The following UBE2G1 variants were observed in gnomAD, a reference collection of about 807,000 sequenced individuals.
UBE2G1 encodes the protein ubiquitin conjugating enzyme E2 G1, also known as ubiquitin-conjugating enzyme E2 G1.
In UBE2G1, 5 loss-of-function variants were observed where a neutral mutation model predicts 22.7. That is an observed-to-expected ratio of 0.22 (90% CI 0.12 to 0.46). UBE2G1 has a LOEUF of 0.46. UBE2G1 is among the 20% of genes least tolerant of loss of function. The probability of loss-of-function intolerance (pLI) is 0.99; values close to 1 mark genes in which losing one functional copy is unlikely to be tolerated. For synonymous variants in UBE2G1, 74 were observed against 67.5 expected (o/e 1.10, Z -0.47); for missense variants, 88 against 203.9 (o/e 0.43, Z 3.46).
intron 1 of UBE2G1, among the ~76,000 whole-genome samples, chr17:4,314,061 G>T (rs1032747362): frequency 1.9e-4 from 29 of 152,180 alleles, no homozygotes; most frequent in Admixed American, 1.9e-3. Context: ...GGAATTAGAT[G>T]AATATAAAAT....
intron 1 of UBE2G1, among the ~76,000 whole-genome samples, chr17:4,356,936 C>A (rs1357699062): frequency 1.3e-5 from 2 of 152,108 alleles, no homozygotes; most frequent in Non-Finnish European, 2.9e-5. Flanking sequence ...CAAGGGGGAA[C>A]TGTACAGAAA....
intron 1 of UBE2G1, among the ~76,000 whole-genome samples, chr17:4,313,606 C>CA (rs1969335515): frequency 6.6e-6 from 1 of 152,020 alleles, no homozygotes; most frequent in Admixed American, 6.6e-5. Flanking sequence ...AACAGTATTA[C>CA]AAATCAGGAC....
intron 3 of UBE2G1, among the ~76,000 whole-genome samples, chr17:4,296,118 T>C (rs867596726): frequency 6.6e-6 from 1 of 151,926 alleles, no homozygotes; most frequent in South Asian, 2.1e-4. Context: ...AATCATCTAA[T>C]ACCTTGATAA....
At chr17:4,365,463 C>G (rs1006441957) in intron 1 of UBE2G1, among the ~76,000 whole-genome samples, 1 of 152,218 alleles carries the variant, frequency 6.6e-6, no homozygotes, top group South Asian at 2.1e-4. Context: ...GGGCCGCAGG[C>G]TCCTCGGGGA....
intron 1 of UBE2G1, among the ~76,000 whole-genome samples, chr17:4,307,587 C>CCTA (rs1969262185): frequency 6.6e-6 from 1 of 152,150 alleles, no homozygotes; most frequent in South Asian, 2.1e-4. Context: ...CATTTGTACA[C>CCTA]CTATTTGACT....
intron 1 of UBE2G1, among the ~76,000 whole-genome samples, chr17:4,308,107 A>C (rs1015170657): frequency 6.6e-6 from 1 of 152,054 alleles, no homozygotes; most frequent in Non-Finnish European, 1.5e-5. Context: ...TAATCCCAGC[A>C]CTTTGGGAGG....
At chr17:4,276,154 A>G (rs2143669661) in intron 5 of UBE2G1, among the ~76,000 whole-genome samples, 1 of 151,908 alleles carries the variant, frequency 6.6e-6, no homozygotes, top group African/African-American at 2.4e-5. Flanking sequence ...AACCACCTCA[A>G]ATTGAGTCAT....
chr17:4,353,115 G>C (rs979965402), intron 1 of UBE2G1, among the ~76,000 whole-genome samples: 14 of 152,242 alleles, frequency 9.2e-5, no homozygotes, highest in African/African-American at 3.1e-4. Context: ...GTACCCAGGA[G>C]GTTGAGGCAG....
At position 4,272,306 on chromosome 17, in the gene UBE2G1, C is replaced by T. The variant is rs1276898489; in HGVS notation, c.*248G>A. ...ATGTTGTGCTATGTACAGGTCTTTA[C>T]AATTCTTCCTGAAGGTTAAAACAGT... On this transcript the variant is annotated 3_prime_UTR_variant, in exon 6 of 6. Coordinates refer to ENST00000396981, the MANE Select transcript of UBE2G1 (RefSeq NM_003342.5). 4 of 159,392 alleles carry T rather than the reference C, an allele frequency of 2.5e-5. No homozygotes were observed. The East Asian group carries it at 5.8e-4, about 23-fold the overall frequency. The allele number at this position is 159,392 out of a possible 1,614,324, so 9.9% of individuals were successfully genotyped here.
intron 1 of UBE2G1, among the ~76,000 whole-genome samples, chr17:4,314,988 A>T: frequency 6.6e-6 from 1 of 152,238 alleles, no homozygotes; most frequent in East Asian, 1.9e-4. Flanking sequence ...TGAAAATGTG[A>T]AGAGTAATGA....
In UBE2G1 at chr17:4,318,838, G is replaced by T. The variant is rs184456821; in HGVS notation, c.47-11715C>A. Among the ~76,000 whole-genome samples the T allele has an allele frequency of 8.9e-4, 135 of 152,238 alleles. 3 individuals are homozygous for T. In the East Asian group the frequency reaches 0.016, roughly 18 times the overall value. ...AAGCAAGCACAGTCATGAGATTCTT[G>T]AATTTCCAATTCACTTTAAGTTCAT... On this transcript the variant is annotated intron_variant, in intron 1 of 5. Coordinates refer to ENST00000396981, the MANE Select transcript of UBE2G1 (RefSeq NM_003342.5).
chr17:4,315,169 C>T (rs189051459), intron 1 of UBE2G1, among the ~76,000 whole-genome samples: 1 of 152,036 alleles, frequency 6.6e-6, no homozygotes, highest in South Asian at 2.1e-4. Context: ...ATAGGTGAAA[C>T]GAGGCTGATC....
At chr17:4,366,150 C>T (rs1453885613) in intron 1 of UBE2G1, 121 bp downstream of exon 1, 5 of 1,068,262 alleles carry the variant, frequency 4.7e-6, no homozygotes, top group Non-Finnish European at 6.2e-6. Flanking sequence ...TCGAGGTCCC[C>T]ACCCTCGCAG....
At chr17:4,324,658 T>C (rs931380281) in intron 1 of UBE2G1, among the ~76,000 whole-genome samples, 1 of 152,052 alleles carries the variant, frequency 6.6e-6, no homozygotes. Context: ...ATTCAAGTGA[T>C]CCTCCCAACT....
intron 1 of UBE2G1, among the ~76,000 whole-genome samples, chr17:4,346,982 G>A (rs1048102860): frequency 6.6e-6 from 1 of 151,466 alleles, no homozygotes; most frequent in Non-Finnish European, 1.5e-5. Context: ...GTGAAACCCC[G>A]TCTCTACTAA....
rs1291386537 is a variant in UBE2G1, at chr17:4,358,155, A to G, written c.46+8116T>C. Among the ~76,000 whole-genome samples, 3 of 152,126 alleles carry G rather than the reference A, an allele frequency of 2.0e-5. No homozygotes were observed. The East Asian group carries it at 5.8e-4, about 29-fold the overall frequency. ...TAACTATTCTAACAGGTAAGTAGTG[A>G]TATCTTACGGTGATTTCAATTTGCA... On this transcript the variant is annotated intron_variant, in intron 1 of 5. Coordinates refer to ENST00000396981, the MANE Select transcript of UBE2G1 (RefSeq NM_003342.5).
At position 4,275,277 on chromosome 17, in the gene UBE2G1, T is replaced by C. The variant is rs570243527; in HGVS notation, c.*38-2761A>G. Among the ~76,000 whole-genome samples the C allele has an allele frequency of 1.1e-3, 167 of 152,338 alleles. 2 individuals carry two copies. The highest frequency in any genetic ancestry group is 3.4e-4 in the Non-Finnish European group (23 of 68,040). The stretch of plus-strand genomic sequence containing the variant: ...GGCCTCAGTACAGAAAAGGCAGGTT[T>C]TGTCATTCTTTTCTCCAGAAAGATA... On this transcript the variant is annotated intron_variant, in intron 5 of 5. Transcript: ENST00000396981.
chr17:4,277,163 C>G (rs1463634703), intron 5 of UBE2G1, among the ~76,000 whole-genome samples: 6 of 152,118 alleles, frequency 3.9e-5, no homozygotes, highest in Non-Finnish European at 7.4e-5. Context: ...CTTCAGTAGA[C>G]AGAACTGAGG....
chr17:4,277,120 A>G (rs184256472), intron 5 of UBE2G1, among the ~76,000 whole-genome samples: 4 of 152,306 alleles, frequency 2.6e-5, no homozygotes, highest in African/African-American at 9.6e-5. Flanking sequence ...GATGAAGCCA[A>G]CTGCCATGTT....
Sources: gnomAD v4.1 joint callset for allele counts (sites outside exome capture counted in the v4.1 genomes callset) on GRCh38, gnomAD v4.1.1 for gene constraint, MANE v1.5 for transcripts, NCBI Gene and HGNC (gene_info 2026-07-23, HGNC 2026-07-21) for gene names.